Variants in KCNMA1 observed in about 807,000 individuals in gnomAD.
KCNMA1 encodes the protein potassium calcium-activated channel subfamily M alpha 1.
Under a neutral mutation model 140.0 loss-of-function variants are expected in KCNMA1, and 29 were observed. That is an observed-to-expected ratio of 0.21 (90% CI 0.15 to 0.28). KCNMA1 has a LOEUF of 0.28. KCNMA1 is among the 10% of genes least tolerant of loss of function. KCNMA1 has a pLI of 1.00. For missense variants in KCNMA1, 880 were observed against 1,602.2 expected, an observed-to-expected ratio of 0.55 and a Z score of 7.70; for synonymous variants, 612 against 611.9, an observed-to-expected ratio of 1.00 and a Z score of 0.00.
At position 77,073,121 on chromosome 10, in the gene KCNMA1, G is replaced by A; in HGVS notation, c.1725C>T (p.Leu575=). The A allele has an allele frequency of 6.2e-7, 1 of 1,614,174 alleles. No individual in the cohort carries two copies. The highest frequency in any genetic ancestry group is 2.2e-5 in the East Asian group (1 of 44,878). The change falls in exon 14 of 28, where the codon CTC becomes CTT. Residue 575 remains leucine (L), a synonymous_variant. Coordinates refer to ENST00000286628, the MANE Select transcript of KCNMA1 (RefSeq NM_001161352.2). Reference sequence around the variant, plus strand: ...CCTTTATGAATGACCTCATGGAGAAGAGGTTGGCAAGCATGGTGGAGAGGC... The same window carrying A: ...CCTTTATGAATGACCTCATGGAGAAAAGGTTGGCAAGCATGGTGGAGAGGC... The part of the protein sequence containing the change: ...AQGLSTMLAN[L]FSMRSFIKIE...
intron 1 of KCNMA1, among the ~76,000 whole-genome samples, chr10:77,504,302 T>C (rs1212608792): frequency 3.3e-5 from 5 of 152,222 alleles, no homozygotes; most frequent in Non-Finnish European, 5.9e-5. Context: ...TCTGTGCAGC[T>C]GGCAGGATTG....
chr10:77,039,889 T>TTC (rs1555164318), intron 14 of KCNMA1, among the ~76,000 whole-genome samples: 2 of 129,798 alleles, frequency 1.5e-5, no homozygotes, highest in Admixed American at 7.8e-5. Context: ...TTTTCTTTTT[T>TTC]TTTTTTTTTT....
At chr10:77,528,215 T>A (rs935333176) in intron 1 of KCNMA1, among the ~76,000 whole-genome samples, 1 of 152,108 alleles carries the variant, frequency 6.6e-6, no homozygotes, top group African/African-American at 2.4e-5. Flanking sequence ...CAACAGAGGG[T>A]GGACCTGAAA....
intron 2 of KCNMA1, among the ~76,000 whole-genome samples, chr10:77,291,403 C>T (rs1178609061): frequency 2.0e-5 from 3 of 152,072 alleles, no homozygotes; most frequent in Admixed American, 2.0e-4. Context: ...GGTACCACCT[C>T]AGCAAGAAGA....
At chr10:77,602,667 A>G (rs2083040426) in intron 1 of KCNMA1, among the ~76,000 whole-genome samples, 1 of 152,142 alleles carries the variant, frequency 6.6e-6, no homozygotes, top group South Asian at 2.1e-4. Context: ...TCACCTGGGC[A>G]CTGGGCACAT....
chr10:77,135,029 G>GAAAAAAAAAAAAAAAA (rs2097970453), intron 5 of KCNMA1, among the ~76,000 whole-genome samples: 1 of 45,240 alleles, frequency 2.2e-5, no homozygotes, highest in East Asian at 8.0e-4. Flanking sequence ...AAAAAAAAAA[G>GAAAAAAAAAAAAAAAA]GAAGAAAGAA....
intron 2 of KCNMA1, among the ~76,000 whole-genome samples, chr10:77,265,746 C>T (rs1406680795): frequency 6.6e-6 from 1 of 151,922 alleles, no homozygotes; most frequent in Non-Finnish European, 1.5e-5. Context: ...ACCATGATGC[C>T]ATGGCTGCTA....
chr10:77,637,761 G>C lies in KCNMA1; in HGVS notation c.-119C>G, dbSNP rs1390213782. 1.3e-4 allele frequency: 160 copies of C among 1,208,810 alleles called. No individual in the cohort carries two copies. The highest frequency in any genetic ancestry group is 1.6e-4 in the Non-Finnish European group (153 of 957,740). 74.9% of individuals were successfully genotyped at this position (1,208,810 alleles called of 1,614,324 possible). On this transcript the variant is annotated 5_prime_UTR_variant, in exon 1 of 28. Coordinates refer to ENST00000286628, the MANE Select transcript of KCNMA1 (RefSeq NM_001161352.2). ...CTGCTGCCGCCGCCGCCGCCGCCGC[G>C]GAGCGCGGGAGGGGGGCGGGGAGGC...
intron 1 of KCNMA1, among the ~76,000 whole-genome samples, chr10:77,532,362 G>A (rs1184209356): frequency 2.6e-5 from 4 of 152,242 alleles, no homozygotes; most frequent in Non-Finnish European, 4.4e-5. Context: ...AGTACAGTGG[G>A]CTCTCTGGAC....
intron 23 of KCNMA1, among the ~76,000 whole-genome samples, chr10:76,915,925 T>A (rs185660520): frequency 5.3e-5 from 8 of 152,154 alleles, no homozygotes; most frequent in African/African-American, 1.9e-4. Flanking sequence ...CTCAAGTGAA[T>A]GACAGGAAGA....
chr10:76,873,747 C>A (rs530350059), downstream of KCNMA1: 1 of 152,208 alleles, frequency 6.6e-6, no homozygotes, highest in African/African-American at 2.4e-5. Context: ...CCCTTCCTAC[C>A]TTTATTCCTC....
At chr10:77,329,924 C>T (rs1055181591) in intron 2 of KCNMA1, among the ~76,000 whole-genome samples, 1 of 152,112 alleles carries the variant, frequency 6.6e-6, no homozygotes, top group Non-Finnish European at 1.5e-5. Flanking sequence ...AGATAATGCA[C>T]CCGAATAGCT....
intron 3 of KCNMA1, among the ~76,000 whole-genome samples, chr10:77,185,406 A>G (rs2098840814): frequency 6.6e-6 from 1 of 152,018 alleles, no homozygotes; most frequent in South Asian, 2.1e-4. Flanking sequence ...TTTAAAAACC[A>G]TTAGTTGATT....
At chr10:76,939,804 G>A (rs1295849767) in intron 23 of KCNMA1, 2 of 152,222 alleles carry the variant, frequency 1.3e-5, no homozygotes, top group Non-Finnish European at 2.9e-5. Flanking sequence ...AAGCAGCTCA[G>A]AGAGCGGACA....
chr10:77,202,449 T>C (rs2042769175), intron 3 of KCNMA1, among the ~76,000 whole-genome samples: 1 of 152,192 alleles, frequency 6.6e-6, no homozygotes, highest in Non-Finnish European at 1.5e-5. Flanking sequence ...TGCTGAATAA[T>C]GCAACTGATG....
intron 19 of KCNMA1, 31 bp downstream of exon 19, chr10:77,001,375 CA>C: frequency 6.5e-7 from 1 of 1,542,092 alleles, no homozygotes; most frequent in East Asian, 2.4e-5. Flanking sequence ...ACAGCACAAA[CA>C]TGGAACTACG....
Position 76,909,975 on chromosome 10 carries a change from G to A in KCNMA1, c.3138C>T (p.Leu1046=), listed in dbSNP as rs766964098. The A allele has an allele frequency of 1.9e-6, 3 of 1,613,720 alleles. No homozygotes were observed. The highest frequency in any genetic ancestry group is 2.7e-5 in the African/African-American group (2 of 74,912). The change falls in exon 25 of 28, where the codon CTC becomes CTT. Residue 1046 remains leucine (L), a synonymous_variant. Coordinates refer to ENST00000286628, the MANE Select transcript of KCNMA1 (RefSeq NM_001161352.2). The part of the protein sequence containing the change: ...TAFAVSVLDS[L]MSATYFNDNI... ...GAACAGGATAACTCACCGCGCTCATGAGTGAGTCCAGGACACTGACGGCAA... is the reference window on the plus strand; with the variant it reads ...GAACAGGATAACTCACCGCGCTCATAAGTGAGTCCAGGACACTGACGGCAA...
intron 2 of KCNMA1, among the ~76,000 whole-genome samples, chr10:77,400,418 C>T (rs1231053145): frequency 6.6e-6 from 1 of 152,150 alleles, no homozygotes; most frequent in African/African-American, 2.4e-5. Context: ...CTTCTACATG[C>T]AAATGTTTAA....
chr10:77,564,824 CTT>C (rs908568625), intron 1 of KCNMA1, among the ~76,000 whole-genome samples: 5 of 152,132 alleles, frequency 3.3e-5, no homozygotes, highest in African/African-American at 1.2e-4. Context: ...AGGGCGGACT[CTT>C]TGGCTTAGGA....
Sources: allele counts gnomAD v4.1 joint callset (sites outside exome capture counted in the v4.1 genomes callset), GRCh38; gene constraint gnomAD v4.1.1; transcripts MANE v1.5; gene names NCBI Gene and HGNC (gene_info 2026-07-23, HGNC 2026-07-21).